ANGPT2: variants seen among roughly 807,000 people sequenced by gnomAD.
The protein encoded by ANGPT2 is angiopoietin 2, also known as angiopoietin-2.
Under a neutral mutation model 62.9 loss-of-function variants are expected in ANGPT2, and 28 were observed. The ratio of observed to expected loss-of-function variants is 0.44; its 90% CI spans 0.33 to 0.61. The LOEUF (loss-of-function observed/expected upper bound fraction) is 0.61. Among genes scored for constraint, ANGPT2 ranks in the 20% least tolerant of loss-of-function variants. The pLI is 0.03. For synonymous variants in ANGPT2, 284 were observed against 207.8 expected, an observed-to-expected ratio of 1.37 and a Z score of -3.15; for missense variants, 727 against 594.9, an observed-to-expected ratio of 1.22 and a Z score of -2.31.
chr8:6,533,581 T>C (rs1459939660), intron 1 of ANGPT2, among the ~76,000 whole-genome samples: 2 of 125,012 alleles, frequency 1.6e-5, no homozygotes, highest in Non-Finnish European at 3.5e-5. Flanking sequence ...TTTTTTTTTT[T>C]TTTTTTTTTT....
At position 6,562,773 on chromosome 8, in the gene ANGPT2, G is replaced by C. The variant is rs202065544; in HGVS notation, c.162C>G (p.Arg54=). ...TFLLPEMDNC[R]SSSSPYVSNA... ...TGGACACGTAGGGGCTGGAGGAAGA[G>C]CGGCAGTTGTCCATCTCTGGCAGGA... Residue 54 remains arginine (R), a synonymous_variant, in exon 1 of 9, where the codon CGC becomes CGG. Transcript: ENST00000629816. 3 of 1,613,956 alleles carry C rather than the reference G, an allele frequency of 1.9e-6. No individual in the cohort carries two copies. The highest frequency in any genetic ancestry group is 1.3e-5 in the African/African-American group (1 of 74,960).
At chr8:6,509,847 C>A (rs552673511) in intron 7 of ANGPT2, among the ~76,000 whole-genome samples, 1 of 152,172 alleles carries the variant, frequency 6.6e-6, no homozygotes, top group Non-Finnish European at 1.5e-5. Context: ...TTTGGCAACA[C>A]GGTGCACGCA....
chr8:6,499,809 G>C lies in ANGPT2; in HGVS notation c.*3292C>G, dbSNP rs186408516. 3.2e-6 allele frequency: 5 copies of C among 1,567,080 alleles called. No individual in the cohort carries two copies. The Admixed American group carries it at 5.0e-5, about 16-fold the overall frequency. ...GATTCTTGGTTTATTGCCTGCTAAG[G>C]CTAATAAATGTATAATAAATCTGCT... On this transcript the variant is annotated 3_prime_UTR_variant, in exon 9 of 9. Transcript: ENST00000629816.
intron 1 of ANGPT2, among the ~76,000 whole-genome samples, chr8:6,533,530 AT>A (rs1219519493): frequency 7.4e-6 from 1 of 136,010 alleles, no homozygotes; most frequent in Non-Finnish European, 1.6e-5. Context: ...TTTTAAAGTC[AT>A]TGTGTATGCG....
intron 1 of ANGPT2, among the ~76,000 whole-genome samples, chr8:6,535,814 G>C (rs1366861184): frequency 6.6e-6 from 1 of 151,972 alleles, no homozygotes; most frequent in Admixed American, 6.6e-5. Context: ...TTGGGAGGCC[G>C]AGGCAGGAGG....
chr8:6,513,473 C>A (rs1346669058), intron 7 of ANGPT2, among the ~76,000 whole-genome samples: 3 of 151,960 alleles, frequency 2.0e-5, no homozygotes, highest in African/African-American at 7.3e-5. Context: ...GCTGGGACTA[C>A]AGGCGCCCAC....
At chr8:6,538,363 C>G (rs2922878) in intron 1 of ANGPT2, among the ~76,000 whole-genome samples, 6,001 of 152,322 alleles carry the variant, frequency 0.039, 384 homozygotes, top group African/African-American at 0.14. Flanking sequence ...GGCCACGCAT[C>G]CCCCAGCTGC....
chr8:6,559,205 T>A (rs1410894204), intron 1 of ANGPT2, among the ~76,000 whole-genome samples: 1 of 146,754 alleles, frequency 6.8e-6, no homozygotes, highest in African/African-American at 2.5e-5. Context: ...ATACAGCTAT[T>A]GAGTGTTTTG....
At chr8:6,551,443 T>A (rs1823639330) in intron 1 of ANGPT2, among the ~76,000 whole-genome samples, 1 of 152,186 alleles carries the variant, frequency 6.6e-6, no homozygotes. Flanking sequence ...CATGCATGGA[T>A]TTATGTGTTT....
At chr8:6,546,610 C>G (rs1290121801) in intron 1 of ANGPT2, among the ~76,000 whole-genome samples, 1 of 152,062 alleles carries the variant, frequency 6.6e-6, no homozygotes. Context: ...AACATAAATA[C>G]TTAAATTATT....
At chr8:6,527,783 ATTAT>A (rs1391766495) in intron 2 of ANGPT2, 107 bp from the exon 3 acceptor site, 2 of 1,056,894 alleles carry the variant, frequency 1.9e-6, no homozygotes, top group South Asian at 1.7e-5. Flanking sequence ...TAACAAAAAC[ATTAT>A]TTATTAACCC....
At chr8:6,512,732 G>T (rs1416896403) in intron 7 of ANGPT2, among the ~76,000 whole-genome samples, 2 of 152,134 alleles carry the variant, frequency 1.3e-5, no homozygotes, top group Non-Finnish European at 2.9e-5. Context: ...CTACTCTCAT[G>T]GCATTTTAGA....
rs145562644 is a variant in ANGPT2 at position 6,529,426 on chromosome 8, C to T, written c.445-1750G>A. Among the ~76,000 whole-genome samples the T allele has an allele frequency of 8.6e-5, 13 of 151,430 alleles. 1 individual carries two copies. In the East Asian group the frequency reaches 2.5e-3, roughly 29 times the overall value. ...GTGGGTACATAATTCAGTTTCTTTG[C>T]GGCCTTCCTTAAGCTCAGCCATTTT... On this transcript the variant is annotated intron_variant, in intron 2 of 8. Transcript: ENST00000629816.
rs142416169 is a variant in ANGPT2 at position 6,546,939 on chromosome 8, C to T, written c.289-14452G>A. On this transcript the variant is annotated intron_variant, in intron 1 of 8. Transcript: ENST00000629816. ...CTTCTGAAATCACTAGGAAAAACAG[C>T]CATGTTCCTTGCAAGCTGGCTGGTT... Among the ~76,000 whole-genome samples, 11 of 152,304 alleles carry T rather than the reference C, an allele frequency of 7.2e-5. No individual in the cohort carries two copies. In the East Asian group the frequency reaches 2.1e-3, roughly 29 times the overall value.
chr8:6,561,092 A>G (rs529494062), intron 1 of ANGPT2, among the ~76,000 whole-genome samples: 40 of 152,348 alleles, frequency 2.6e-4, no homozygotes, highest in African/African-American at 9.4e-4. Context: ...TATTTAGGAT[A>G]TAGTTTGCCT....
At chr8:6,554,218 G>T (rs1378068150) in intron 1 of ANGPT2, among the ~76,000 whole-genome samples, 3 of 150,866 alleles carry the variant, frequency 2.0e-5, no homozygotes, top group African/African-American at 7.3e-5. Context: ...TGTTAACATG[G>T]GAGTAAGTGT....
At position 6,513,781 on chromosome 8, in the gene ANGPT2, G is replaced by C. The variant is rs1563323700; in HGVS notation, c.1093C>G (p.Gln365Glu). ...TGTATTTTAAGCACATAGCGTTGCTGATTAGTCAGTTGCGAAACAAACTCA... is the reference window on the plus strand; with the variant it reads ...TGTATTTTAAGCACATAGCGTTGCTCATTAGTCAGTTGCGAAACAAACTCA... ...GNEFVSQLTN[Q>E]QRYVLKIHLK... Residue 365 changes from glutamine (Q) to glutamate (E), a missense_variant, in exon 7 of 9, where the codon CAG (glutamine) becomes GAG (glutamate). Gln to Glu is a conservative substitution (Grantham distance 29). Transcript: ENST00000629816. 6.2e-7 allele frequency: 1 copy of C among 1,614,020 alleles called. No individual in the cohort carries two copies. The highest frequency in any genetic ancestry group is 1.3e-5 in the African/African-American group (1 of 75,044).
At chr8:6,551,999 C>T (rs140323648) in intron 1 of ANGPT2, among the ~76,000 whole-genome samples, 11 of 152,128 alleles carry the variant, frequency 7.2e-5, no homozygotes, top group South Asian at 2.1e-4. Flanking sequence ...TATAATTACC[C>T]GGTAGATGAC....
chr8:6,528,782 T>G (rs182867102), intron 2 of ANGPT2, among the ~76,000 whole-genome samples: 2 of 152,360 alleles, frequency 1.3e-5, no homozygotes, highest in African/African-American at 2.4e-5. Flanking sequence ...GAAAGAATCA[T>G]TGTTTGCTGG....
Sources: allele counts gnomAD v4.1 joint callset (sites outside exome capture counted in the v4.1 genomes callset), GRCh38; gene constraint gnomAD v4.1.1; transcripts MANE v1.5; gene names NCBI Gene and HGNC (gene_info 2026-07-23, HGNC 2026-07-21).